Variants in ZNF836 observed in about 807,000 individuals in gnomAD.
ZNF836 encodes zinc finger protein 836.
In ZNF836, 12 loss-of-function variants were observed where a neutral mutation model predicts 7.4. The ratio of observed to expected loss-of-function variants is 1.61; its 90% CI spans 1.03 to 2.61. The LOEUF is 2.61. Among genes scored for constraint, ZNF836 ranks in the 30% most tolerant of loss-of-function variants. The pLI is 0.00. For synonymous variants in ZNF836, 365 were observed against 382.6 expected (o/e 0.95, Z 0.54); for missense variants, 998 against 1,126.2 (o/e 0.89, Z 1.63).
chr19:52,168,335 C>T (rs1300653340), intron 2 of ZNF836, among the ~76,000 whole-genome samples, 183 bp from the exon 3 acceptor site: 1 of 152,144 alleles, frequency 6.6e-6, no homozygotes, highest in Non-Finnish European at 1.5e-5. Flanking sequence ...CGCCTGTAAT[C>T]CCAGCACCTT....
intron 3 of ZNF836, 47 bp from the exon 4 acceptor site, chr19:52,160,638 T>C (rs780171797): frequency 6.4e-7 from 1 of 1,554,972 alleles, no homozygotes; most frequent in African/African-American, 1.4e-5. Context: ...AGAGCTCTTA[T>C]CTATACATAA....
At position 52,155,829 on chromosome 19, in the gene ZNF836, G is replaced by C. The variant is rs751992295; in HGVS notation, c.1854C>G (p.Val618=). The change falls in exon 5 of 5, where the codon GTC becomes GTG. Residue 618 remains valine, a synonymous_variant. Coordinates refer to ENST00000682614, the MANE Select transcript of ZNF836 (RefSeq NM_001102657.3). ...KPYKCNVCGK[V]FNDSGNLSNH... is the part of the protein sequence containing the mutation. The stretch of plus-strand genomic sequence containing the variant: ...TTGAAAGGTTTCCACTGTCATTGAA[G>C]ACCTTGCCACACACATTACATTTGT... 2.8e-5 allele frequency: 45 copies of C among 1,613,868 alleles called. No homozygotes were observed. Among genetic ancestry groups the C allele is most frequent in the Non-Finnish European group, 3.6e-5 (42 of 1,179,908 alleles).
intron 3 of ZNF836, among the ~76,000 whole-genome samples, chr19:52,164,723 C>CA (rs1213353876): frequency 2.6e-5 from 4 of 152,050 alleles, no homozygotes; most frequent in Non-Finnish European, 5.9e-5. Context: ...TTCTGGAAGT[C>CA]CAATAAATAA....
intron 3 of ZNF836, among the ~76,000 whole-genome samples, chr19:52,167,289 T>C (rs2089273579): frequency 2.6e-5 from 4 of 151,596 alleles, no homozygotes; most frequent in Admixed American, 1.3e-4. Flanking sequence ...CTGACCAACA[T>C]GGTGAAACCC....
At chr19:52,168,338 AG>A (rs1242955358) in intron 2 of ZNF836, among the ~76,000 whole-genome samples, 186 bp from the exon 3 acceptor site, 1 of 152,208 alleles carries the variant, frequency 6.6e-6, no homozygotes, top group Non-Finnish European at 1.5e-5. Context: ...CTGTAATCCC[AG>A]CACCTTAGGA....
In ZNF836 at chr19:52,168,124, C is replaced by G; in HGVS notation, c.-52G>C. 6.3e-7 allele frequency: 1 copy of G among 1,597,236 alleles called. No homozygotes were observed. The highest frequency in any genetic ancestry group is 8.5e-7 in the Non-Finnish European group (1 of 1,174,732). ...TCCTCTTCTGGGCTTCTCTCTCAGT[C>G]AATATAATTAATTCTTTACAAGTCA... On this transcript the variant is annotated 5_prime_UTR_variant, in exon 3 of 5. Coordinates refer to ENST00000682614, the MANE Select transcript of ZNF836 (RefSeq NM_001102657.3).
rs557042184 is a variant in ZNF836, at chr19:52,160,815, A to G, written c.16-224T>C. Among the ~76,000 whole-genome samples the G allele has an allele frequency of 3.9e-5, 6 of 152,330 alleles. No individual in the cohort carries two copies. The South Asian group carries it at 1.2e-3, about 32-fold the overall frequency. ...GTGTAGGCTTCTCATTTTTGTGTACAATGCAAGAAATATACAAAGAAATGA... is the reference window on the plus strand; with the variant it reads ...GTGTAGGCTTCTCATTTTTGTGTACGATGCAAGAAATATACAAAGAAATGA... On this transcript the variant is annotated intron_variant, in intron 3 of 4. Transcript: ENST00000682614.
intron 3 of ZNF836, among the ~76,000 whole-genome samples, chr19:52,164,905 T>C (rs1271565270): frequency 6.6e-6 from 1 of 152,132 alleles, no homozygotes; most frequent in African/African-American, 2.4e-5. Context: ...TTGGTCAACA[T>C]GGTGAAACCC....
chr19:52,155,678 T>C lies in ZNF836; in HGVS notation c.2005A>G (p.Asn669Asp), dbSNP rs2089148419. 6.2e-7 allele frequency: 1 copy of C among 1,614,192 alleles called. No individual in the cohort carries two copies. The highest frequency in any genetic ancestry group is 8.5e-7 in the Non-Finnish European group (1 of 1,180,016). Residue 669 changes from asparagine to aspartate, a missense_variant, in exon 5 of 5, where the codon AAT (asparagine) becomes GAT (aspartate). By Grantham distance (23) the Asn-to-Asp change is conservative. Transcript: ENST00000682614. ...TGAGTATAGGCTTTGCCACAATCAT[T>C]ACATTTGTAAGGTTTCTCTCCGGTA... ...IHTGEKPYKC[N>D]DCGKAYTQRS...
rs758444762 is a variant in ZNF836, at chr19:52,156,202, C to T, written c.1481G>A (p.Gly494Glu). The T allele has an allele frequency of 2.5e-6, 4 of 1,614,092 alleles. No individual in the cohort carries two copies. Among genetic ancestry groups the T allele is most frequent in the East Asian group, 4.5e-5 (2 of 44,896 alleles). Reference protein sequence around the residue: ...HLVGHRRIHTGEKPYKCDKCG... With the variant: ...HLVGHRRIHTEEKPYKCDKCG... The stretch of plus-strand genomic sequence containing the variant: ...TTTATCACATTTGTAAGGTTTCTCT[C>T]CAGTATGAATTCTCCGATGCCCCAC... Residue 494 changes from glycine to glutamate, a missense_variant, in exon 5 of 5, where the codon GGA (glycine) becomes GAA (glutamate). By Grantham distance (98) the Gly-to-Glu change is moderately conservative (BLOSUM62 -2). Transcript: ENST00000682614.
chr19:52,155,935 TG>T lies in ZNF836; in HGVS notation c.1747del (p.Gln583AsnfsTer15), dbSNP rs2089153056. On this transcript the variant is annotated frameshift_variant, in exon 5 of 5. Transcript: ENST00000682614. LOFTEE classifies it low-confidence loss of function (END_TRUNC). ...KRIHTGEKPF[Q>X]CNECGTVFRN... ...GAAGACTGTGCCACATTCATTACAT[TG>T]GAAAGGTTTCTCTCCCGTATGTATT... The T allele has an allele frequency of 6.2e-7, 1 of 1,614,004 alleles. No individual in the cohort carries two copies. Among genetic ancestry groups the T allele is most frequent in the Non-Finnish European group, 8.5e-7 (1 of 1,179,894 alleles).
At position 52,156,881 on chromosome 19, in the gene ZNF836, G is replaced by A. The variant is rs2089167478; in HGVS notation, c.802C>T (p.His268Tyr). The A allele has an allele frequency of 6.2e-7, 1 of 1,614,092 alleles. No homozygotes were observed. Among genetic ancestry groups the A allele is most frequent in the Non-Finnish European group, 8.5e-7 (1 of 1,179,994 alleles). ...CATTGATATGGCTTCCCCCTTGTAT[G>A]GACTATCTGATGTATAGTTAGTAGT... ...GSLLTIHQIVHTRGKPYQCGV... is the reference protein window; with the variant it reads ...GSLLTIHQIVYTRGKPYQCGV... Residue 268 changes from histidine to tyrosine, a missense_variant, in exon 5 of 5, where the codon CAT (histidine) becomes TAT (tyrosine). Transcript: ENST00000682614.
Position 52,155,482 on chromosome 19 carries a change from A to T in ZNF836, c.2201T>A (p.Ile734Lys), listed in dbSNP as rs749671118. 8 of 1,613,874 alleles carry T rather than the reference A, an allele frequency of 5.0e-6. No individual in the cohort carries two copies. Residue 734 changes from isoleucine to lysine, a missense_variant, in exon 5 of 5, where the codon ATA (isoleucine) becomes AAA (lysine). Coordinates refer to ENST00000682614, the MANE Select transcript of ZNF836 (RefSeq NM_001102657.3). Reference protein sequence around the residue: ...CSHCGRTFSHITGLTYHQRRH... With the variant: ...CSHCGRTFSHKTGLTYHQRRH... ...TCTCTGATGGTACGTCAGGCCTGTT[A>T]TATGACTAAAAGTTCTACCACAATG...
intron 1 of ZNF836, among the ~76,000 whole-genome samples, chr19:52,170,972 T>C (rs1460190713): frequency 6.6e-6 from 1 of 152,116 alleles, no homozygotes; most frequent in African/African-American, 2.4e-5. Context: ...AGGGGAAGCC[T>C]GGGGAGCGAA....
At chr19:52,164,249 CA>C (rs2089240393) in intron 3 of ZNF836, among the ~76,000 whole-genome samples, 1 of 151,722 alleles carries the variant, frequency 6.6e-6, no homozygotes, top group African/African-American at 2.4e-5. Context: ...AAAAATTAGC[CA>C]GGCTTGGTGG....
In ZNF836 at chr19:52,161,601, C is replaced by T. The variant is rs368202012; in HGVS notation, c.16-1010G>A. Among the ~76,000 whole-genome samples, 1 of 150,984 alleles carries T rather than the reference C, an allele frequency of 6.6e-6. No homozygotes were observed. Among genetic ancestry groups the T allele is most frequent in the South Asian group, 2.1e-4 (1 of 4,784 alleles). On this transcript the variant is annotated intron_variant, in intron 3 of 4. Coordinates refer to ENST00000682614, the MANE Select transcript of ZNF836 (RefSeq NM_001102657.3). The surrounding 1 kb of genome is among the most constrained non-coding windows in gnomAD (Gnocchi z 4.1). ...TCCTCCTAAAGGCCACGACTCATAA[C>T]ATTTAAAGATTAGGCACTGGGGATT...
Position 52,171,415 on chromosome 19 carries a change from C to T in ZNF836, c.-294G>A, listed in dbSNP as rs2089307076. On this transcript the variant is annotated 5_prime_UTR_variant, in exon 1 of 5. Coordinates refer to ENST00000682614, the MANE Select transcript of ZNF836 (RefSeq NM_001102657.3). ...ACGGGTATGGACAAGGGAAGACTGCCAAGTGCACGTTCGATTCAGGCAGAC... is the reference window on the plus strand; with the variant it reads ...ACGGGTATGGACAAGGGAAGACTGCTAAGTGCACGTTCGATTCAGGCAGAC... The T allele has an allele frequency of 6.6e-6, 1 of 152,278 alleles. No homozygotes were observed. The highest frequency in any genetic ancestry group is 2.4e-5 in the African/African-American group (1 of 41,450). 9.4% of individuals were successfully genotyped at this position (152,278 alleles called of 1,614,324 possible).
chr19:52,166,926 C>T (rs897342848), intron 3 of ZNF836, among the ~76,000 whole-genome samples: 1 of 151,594 alleles, frequency 6.6e-6, no homozygotes. Flanking sequence ...TGGACTTTTA[C>T]TGCAAACAAA....
Position 52,155,180 on chromosome 19 carries a change from TG to T in ZNF836, c.2502del (p.Tyr834Ter). On this transcript the variant is annotated frameshift_variant, in exon 5 of 5. Transcript: ENST00000682614. LOFTEE classifies it low-confidence loss of function (END_TRUNC). ...HQKMHTGDKP[Y>X]KCNECGKAFI... is the part of the protein sequence containing the mutation. Reference sequence around the variant, plus strand: ...AAAGCTTTACCACATTCATTACATTTGTAAGGTTTGTCCCCAGTATGCATTT... The same window carrying T: ...AAAGCTTTACCACATTCATTACATTTTAAGGTTTGTCCCCAGTATGCATTT... 2 of 1,614,158 alleles carry T rather than the reference TG, an allele frequency of 1.2e-6. No homozygotes were observed. The highest frequency in any genetic ancestry group is 1.7e-6 in the Non-Finnish European group (2 of 1,180,002).
Sources: gnomAD v4.1 joint callset for allele counts (sites outside exome capture counted in the v4.1 genomes callset) on GRCh38, gnomAD v4.1.1 for gene constraint, Gnocchi (gnomAD v3.1) non-coding constraint, MANE v1.5 for transcripts, NCBI Gene and HGNC (gene_info 2026-07-23, HGNC 2026-07-21) for gene names.